The following NOVA1 variants were observed in gnomAD, a reference collection of about 807,000 sequenced individuals.
NOVA1 encodes the protein RNA-binding protein Nova-1.
In NOVA1, 7 loss-of-function variants were observed where a neutral mutation model predicts 38.0. That is an observed-to-expected ratio of 0.18 (90% CI 0.10 to 0.35). The LOEUF is 0.35. Ranked by LOEUF, NOVA1 falls within the 10% of genes least tolerant of loss-of-function variation. The pLI is 1.00. For missense variants in NOVA1, 460 were observed against 616.0 expected, an observed-to-expected ratio of 0.75 and a Z score of 2.68; for synonymous variants, 270 against 232.5, an observed-to-expected ratio of 1.16 and a Z score of -1.47.
At chr14:26,490,982 T>C (rs1430787488) in intron 2 of NOVA1, among the ~76,000 whole-genome samples, 4 of 151,380 alleles carry the variant, frequency 2.6e-5, no homozygotes, top group Admixed American at 6.6e-5. Context: ...CCCAAGTAGC[T>C]GGGACTACAG....
At chr14:26,529,514 A>G (rs1300134736) in intron 2 of NOVA1, among the ~76,000 whole-genome samples, 4 of 152,170 alleles carry the variant, frequency 2.6e-5, no homozygotes, top group Admixed American at 6.5e-5. Context: ...GAATGGCTCT[A>G]TCATGATGCT....
At chr14:26,567,407 T>C (rs188493264) in intron 2 of NOVA1, among the ~76,000 whole-genome samples, 7 of 144,262 alleles carry the variant, frequency 4.9e-5, no homozygotes, top group African/African-American at 1.8e-4. Flanking sequence ...ACGATTCCCC[T>C]ACCTCAGCCT....
chr14:26,485,918 G>C (rs113568166), intron 2 of NOVA1, among the ~76,000 whole-genome samples: 2,079 of 152,114 alleles, frequency 0.014, 45 homozygotes, highest in African/African-American at 0.045. Context: ...ACACTTCTAT[G>C]ACAATCTATA....
At chr14:26,529,619 A>C (rs1889556888) in intron 2 of NOVA1, among the ~76,000 whole-genome samples, 1 of 152,198 alleles carries the variant, frequency 6.6e-6, no homozygotes, top group African/African-American at 2.4e-5. Context: ...GATCCTCTGG[A>C]AAATGAGAGA....
intron 2 of NOVA1, among the ~76,000 whole-genome samples, chr14:26,491,575 A>G (rs1277189699): frequency 6.6e-6 from 1 of 152,076 alleles, no homozygotes; most frequent in African/African-American, 2.4e-5. Context: ...TTATGGTTTT[A>G]GCTCTTATAT....
chr14:26,521,285 A>G (rs924083308), intron 2 of NOVA1, among the ~76,000 whole-genome samples: 7 of 152,226 alleles, frequency 4.6e-5, no homozygotes, highest in Admixed American at 2.0e-4. Context: ...TTTACTGGAC[A>G]TATTACTCTA....
chr14:26,581,906 T>G (rs745770924), intron 2 of NOVA1, among the ~76,000 whole-genome samples: 1 of 151,922 alleles, frequency 6.6e-6, no homozygotes, highest in Non-Finnish European at 1.5e-5. Context: ...CTTATATTCT[T>G]CATCTGTAAA....
intron 3 of NOVA1, among the ~76,000 whole-genome samples, chr14:26,473,113 A>G (rs977083777): frequency 6.6e-6 from 1 of 151,842 alleles, no homozygotes; most frequent in African/African-American, 2.4e-5. Context: ...TGAAGAGTAT[A>G]ATATAGCATC....
intron 2 of NOVA1, among the ~76,000 whole-genome samples, chr14:26,529,335 A>C (rs1270156582): frequency 6.6e-6 from 1 of 151,926 alleles, no homozygotes; most frequent in African/African-American, 2.4e-5. Context: ...ACGGGGTTTC[A>C]TCATGTTGGC....
intron 2 of NOVA1, among the ~76,000 whole-genome samples, chr14:26,493,600 G>A (rs1886526340): frequency 6.6e-6 from 1 of 152,084 alleles, no homozygotes; most frequent in Admixed American, 6.6e-5. Flanking sequence ...GTCTTCCTCT[G>A]GACTGTCTTC....
intron 2 of NOVA1, among the ~76,000 whole-genome samples, chr14:26,592,479 T>C (rs1016029163): frequency 1.3e-5 from 2 of 151,440 alleles, no homozygotes; most frequent in East Asian, 1.9e-4. Context: ...AACAGATAAA[T>C]GGATTACGTA....
At chr14:26,574,139 C>T (rs951184487) in intron 2 of NOVA1, among the ~76,000 whole-genome samples, 5 of 150,972 alleles carry the variant, frequency 3.3e-5, no homozygotes, top group African/African-American at 1.2e-4. Context: ...GATTCTCCTG[C>T]CTCAGCATCC....
intron 2 of NOVA1, among the ~76,000 whole-genome samples, chr14:26,583,209 A>C (rs1399679163): frequency 6.6e-6 from 1 of 151,776 alleles, no homozygotes; most frequent in African/African-American, 2.4e-5. Flanking sequence ...AATATGTTAA[A>C]TTCAAATAAA....
intron 2 of NOVA1, among the ~76,000 whole-genome samples, chr14:26,491,968 A>G (rs1310214662): frequency 6.6e-6 from 1 of 152,130 alleles, no homozygotes; most frequent in Non-Finnish European, 1.5e-5. Context: ...TCTGTAAAAA[A>G]AAAAAAACAT....
At chr14:26,579,207 G>A (rs527271221) in intron 2 of NOVA1, among the ~76,000 whole-genome samples, 72 of 151,758 alleles carry the variant, frequency 4.7e-4, no homozygotes, top group South Asian at 2.1e-3. Flanking sequence ...ACAGGCGCGC[G>A]CCATCAAGCC....
intron 2 of NOVA1, among the ~76,000 whole-genome samples, chr14:26,486,284 C>A (rs1885880007): frequency 1.3e-5 from 2 of 151,874 alleles, no homozygotes; most frequent in Non-Finnish European, 2.9e-5. Context: ...CCTCTTTTTG[C>A]CACTTATTTT....
chr14:26,532,451 T>C (rs920421633), intron 2 of NOVA1, among the ~76,000 whole-genome samples: 1 of 152,204 alleles, frequency 6.6e-6, no homozygotes, highest in African/African-American at 2.4e-5. Context: ...TATGCTTCTA[T>C]ATAAATGAAA....
intron 2 of NOVA1, among the ~76,000 whole-genome samples, chr14:26,486,717 A>AAAAAAAAAAAAC (rs1885932619): frequency 6.7e-6 from 1 of 149,204 alleles, no homozygotes; most frequent in Non-Finnish European, 1.5e-5. Flanking sequence ...AAAAAAAAAA[A>AAAAAAAAAAAAC]AAAAGCCAAA....
At position 26,448,529 on chromosome 14, in the gene NOVA1, T is replaced by C. The variant is rs745699438; in HGVS notation, c.954A>G (p.Ala318=). 9.9e-6 allele frequency: 16 copies of C among 1,614,202 alleles called. No homozygotes were observed. The highest frequency in any genetic ancestry group is 1.7e-4 in the Middle Eastern group (1 of 6,060). ...TGNDLVAITS[A]LNTLASYGYN... ...ATCCATAGCTGGCTAATGTATTAAG[T>C]GCAGAGGTGATGGCCACCAGGTCAT... The change falls in exon 5 of 5, where the codon GCA becomes GCG. Residue 318 remains alanine (A), a synonymous_variant. Transcript: ENST00000539517. This position sits in a 1 kb window ranked among gnomAD's most constrained non-coding sequence, Gnocchi z 5.3.
Sources: allele counts gnomAD v4.1 joint callset (sites outside exome capture counted in the v4.1 genomes callset), GRCh38; gene constraint gnomAD v4.1.1; non-coding constraint Gnocchi (gnomAD v3.1); transcripts MANE v1.5; gene names NCBI Gene and HGNC (gene_info 2026-07-23, HGNC 2026-07-21).